The following TOM1L2 variants were observed in gnomAD, a reference collection of about 807,000 sequenced individuals.
The protein encoded by TOM1L2 is TOM1-like protein 2.
A neutral mutation model predicts 67.9 loss-of-function variants in TOM1L2; 31 were observed. That is an observed-to-expected ratio of 0.46 (90% CI 0.34 to 0.62). The LOEUF (loss-of-function observed/expected upper bound fraction) is 0.62, where lower values mean the gene tolerates loss of function less well. Among genes scored for constraint, TOM1L2 ranks in the 20% least tolerant of loss-of-function variants. TOM1L2 has a pLI of 0.01. For missense variants in TOM1L2, 606 were observed against 663.5 expected, an observed-to-expected ratio of 0.91 and a Z score of 0.95; for synonymous variants, 256 against 254.0, an observed-to-expected ratio of 1.01 and a Z score of -0.07.
At chr17:17,881,151 C>T (rs2037703968) in intron 6 of TOM1L2, among the ~76,000 whole-genome samples, 1 of 152,216 alleles carries the variant, frequency 6.6e-6, no homozygotes, top group African/African-American at 2.4e-5. Context: ...GGGAGATGGT[C>T]TGGGTCCTGA....
chr17:17,903,906 G>C (rs1465232246), intron 2 of TOM1L2, among the ~76,000 whole-genome samples: 3 of 152,018 alleles, frequency 2.0e-5, no homozygotes, highest in Non-Finnish European at 4.4e-5. Context: ...CAGCAGGTCA[G>C]AGGCCTTCAG....
At chr17:17,936,969 A>T (rs566311977) in intron 1 of TOM1L2, among the ~76,000 whole-genome samples, 3 of 152,206 alleles carry the variant, frequency 2.0e-5, no homozygotes, top group Admixed American at 1.3e-4. Flanking sequence ...GCCTCATACC[A>T]TGAGGGCTCA....
chr17:17,937,774 G>C (rs2040567424), intron 1 of TOM1L2, among the ~76,000 whole-genome samples: 1 of 152,210 alleles, frequency 6.6e-6, no homozygotes, highest in Non-Finnish European at 1.5e-5. Flanking sequence ...ACTCATGCAA[G>C]AGCATAACAA....
chr17:17,894,656 C>T (rs1419555734), intron 3 of TOM1L2, among the ~76,000 whole-genome samples: 4 of 152,240 alleles, frequency 2.6e-5, no homozygotes, highest in African/African-American at 4.8e-5. Context: ...ATAGGCCGGG[C>T]ATAGTGGTTC....
Position 17,847,508 on chromosome 17 carries a change from G to T in TOM1L2, c.*127C>A. 1 of 1,291,018 alleles carries T rather than the reference G, an allele frequency of 7.7e-7. No homozygotes were observed. Among genetic ancestry groups the T allele is most frequent in the Non-Finnish European group, 1.0e-6 (1 of 953,558 alleles). 80.0% of individuals were successfully genotyped at this position (1,291,018 alleles called of 1,614,324 possible). A position where few individuals can be genotyped will look rare whatever the true frequency, so the allele number is the denominator to read the frequency against. ...AGTGGGAGGCCTGGGAGCAGACACG[G>T]TGGCATTTCCATGGAAACACAGGTG... On this transcript the variant is annotated 3_prime_UTR_variant, in exon 15 of 15. Transcript: ENST00000379504.
intron 6 of TOM1L2, among the ~76,000 whole-genome samples, chr17:17,880,990 A>C (rs1204518029): frequency 6.6e-6 from 1 of 152,184 alleles, no homozygotes; most frequent in Non-Finnish European, 1.5e-5. Context: ...TCGCTGTGCC[A>C]TCTTCCACTA....
At chr17:17,931,289 C>T (rs1357508645) in intron 1 of TOM1L2, among the ~76,000 whole-genome samples, 10 of 152,170 alleles carry the variant, frequency 6.6e-5, no homozygotes, top group Non-Finnish European at 8.8e-5. Flanking sequence ...CATTCTACCA[C>T]GCAGCCCATG....
chr17:17,956,636 C>T (rs533372071), intron 1 of TOM1L2, among the ~76,000 whole-genome samples: 14 of 152,326 alleles, frequency 9.2e-5, no homozygotes, highest in African/African-American at 2.9e-4. Flanking sequence ...AGTCCTGCCC[C>T]GCAGGGAGAC....
chr17:17,918,388 C>T (rs2039717244), intron 1 of TOM1L2, among the ~76,000 whole-genome samples: 1 of 152,206 alleles, frequency 6.6e-6, no homozygotes, highest in Admixed American at 6.5e-5. Flanking sequence ...GCTCTGGCTA[C>T]AATTTCCAAT....
chr17:17,876,717 A>G (rs2037442360), intron 7 of TOM1L2, among the ~76,000 whole-genome samples: 1 of 152,230 alleles, frequency 6.6e-6, no homozygotes, highest in Non-Finnish European at 1.5e-5. Flanking sequence ...CTTACCTGGC[A>G]TCGCCCAGCT....
chr17:17,848,751 T>C (rs757197674), intron 14 of TOM1L2, 72 bp downstream of exon 14: 5 of 1,555,460 alleles, frequency 3.2e-6, no homozygotes, highest in Non-Finnish European at 2.6e-6. Context: ...TCCAAGATGA[T>C]GGGGGCTGGC....
intron 7 of TOM1L2, chr17:17,869,991 C>A (rs1721853019): frequency 6.6e-6 from 1 of 152,576 alleles, no homozygotes; most frequent in African/African-American, 2.4e-5. Flanking sequence ...GGACAGGTTC[C>A]TTAGCAGGGA....
intron 1 of TOM1L2, among the ~76,000 whole-genome samples, chr17:17,932,221 G>C (rs2040364161): frequency 6.6e-6 from 1 of 152,124 alleles, no homozygotes; most frequent in African/African-American, 2.4e-5. Flanking sequence ...TAATTTCAAA[G>C]AATTTTTGTT....
intron 4 of TOM1L2, among the ~76,000 whole-genome samples, chr17:17,885,255 G>A (rs1028591582): frequency 1.3e-5 from 2 of 152,262 alleles, no homozygotes; most frequent in Admixed American, 1.3e-4. Flanking sequence ...AGGAGAAATT[G>A]ATGTGTGACA....
At chr17:17,902,379 C>CA (rs1337295845) in intron 2 of TOM1L2, among the ~76,000 whole-genome samples, 1 of 152,196 alleles carries the variant, frequency 6.6e-6, no homozygotes, top group Non-Finnish European at 1.5e-5. Flanking sequence ...ACCACAGCCT[C>CA]CCATTGGTAA....
intron 4 of TOM1L2, among the ~76,000 whole-genome samples, chr17:17,890,165 A>G (rs2038201439): frequency 6.6e-6 from 1 of 152,200 alleles, no homozygotes; most frequent in African/African-American, 2.4e-5. Context: ...GGGCTAAAAA[A>G]AGGTTGACCC....
chr17:17,931,241 TC>T (rs2040321935), intron 1 of TOM1L2, among the ~76,000 whole-genome samples: 1 of 152,132 alleles, frequency 6.6e-6, no homozygotes, highest in African/African-American at 2.4e-5. Flanking sequence ...TCCTTCCTCT[TC>T]TACAGATTTC....
At chr17:17,924,407 A>G (rs980040780) in intron 1 of TOM1L2, among the ~76,000 whole-genome samples, 2 of 152,228 alleles carry the variant, frequency 1.3e-5, no homozygotes, top group African/African-American at 4.8e-5. Context: ...TGACTTGTAC[A>G]TTGTAAATGG....
intron 1 of TOM1L2, among the ~76,000 whole-genome samples, chr17:17,967,877 G>C (rs2041927408): frequency 6.6e-6 from 1 of 152,104 alleles, no homozygotes; most frequent in African/African-American, 2.4e-5. Context: ...CAAAGTGCTG[G>C]ATTACAGGTG....
Sources: gnomAD v4.1 joint callset for allele counts (sites outside exome capture counted in the v4.1 genomes callset) on GRCh38, gnomAD v4.1.1 for gene constraint, MANE v1.5 for transcripts, NCBI Gene and HGNC (gene_info 2026-07-23, HGNC 2026-07-21) for gene names.